The following DNAH10 variants were observed in gnomAD, a reference collection of about 807,000 sequenced individuals.
DNAH10 encodes the protein axonemal beta dynein heavy chain 10.
Under a neutral mutation model 506.6 loss-of-function variants are expected in DNAH10, and 348 were observed. The observed-to-expected ratio is 0.69, with a 90% CI of 0.63 to 0.75. The LOEUF is 0.75. Among genes scored for constraint, DNAH10 ranks in the 30% least tolerant of loss-of-function variants. The pLI is 0.00. For synonymous variants in DNAH10, 2,059 were observed against 2,198.6 expected (o/e 0.94, Z 1.78); for missense variants, 5,179 against 5,787.1 (o/e 0.89, Z 3.41).
In DNAH10 at chr12:123,785,564, G is replaced by A. The variant is rs11057356; in HGVS notation, c.1231-182G>A. Among the ~76,000 whole-genome samples the A allele has an allele frequency of 0.15, 23,308 of 151,138 alleles. 2,496 individuals are homozygous for A. The highest frequency in any genetic ancestry group is 0.32 in the East Asian group (1,617 of 5,102). On this transcript the variant is annotated intron_variant, in intron 8 of 78. Coordinates refer to ENST00000673944, the MANE Select transcript of DNAH10 (RefSeq NM_001372106.1). This position sits in a 1 kb window ranked among gnomAD's most constrained non-coding sequence, Gnocchi z 4.1. ...GGTGGGAGGATCACTTGAGTCCGCA[G>A]GGGAGTCGAGGCTGCAGTAAGCCAT...
At position 123,918,899 on chromosome 12, in the gene DNAH10, G is replaced by A; in HGVS notation, c.11456G>A (p.Arg3819Lys). 6.2e-7 allele frequency: 1 copy of A among 1,613,804 alleles called. No individual in the cohort carries two copies. The highest frequency in any genetic ancestry group is 8.5e-7 in the Non-Finnish European group (1 of 1,179,852). Residue 3819 changes from arginine (R) to lysine (K), a missense_variant, in exon 65 of 79, where the codon AGG (arginine) becomes AAG (lysine). Transcript: ENST00000673944. ...GATTCCATCCTCATGAAACGCCTGA[G>A]GAACATCATGGACACGCTGACCTTC... ...LPDSILMKRL[R>K]NIMDTLTFSI... is the part of the protein sequence containing the mutation.
Position 123,914,505 on chromosome 12 carries a change from C to G in DNAH10, c.10529C>G (p.Pro3510Arg). 6.2e-7 allele frequency: 1 copy of G among 1,613,688 alleles called. No homozygotes were observed. The highest frequency in any genetic ancestry group is 8.5e-7 in the Non-Finnish European group (1 of 1,179,886). The change falls in exon 61 of 79, where the codon CCT becomes CGT. Residue 3510 changes from proline (P) to arginine (R), a missense_variant. By Grantham distance (103) the Pro-to-Arg change is moderately radical (BLOSUM62 -2). Around this residue, in one of 3 missense-constraint regions of DNAH10, gnomAD observed 4,844 missense variants for 5,430.5 expected, o/e 0.89. Transcript: ENST00000673944. ...GAGCGGGAGATCCCCCTGAGCCAGC[C>G]TTTCCGGCTGGAAAGCCTGCTCACG... The part of the protein sequence containing the change: ...ILEREIPLSQ[P>R]FRLESLLTDD...
In DNAH10 at chr12:123,871,477, C is replaced by T. The variant is rs1311624314; in HGVS notation, c.7660C>T (p.Arg2554Trp). Reference sequence around the variant, plus strand: ...TTTAGTTCACACAGTGGATACCACTCGGACTACCTGGATATTGGAACAAAT... The same window carrying T: ...TTTAGTTCACACAGTGGATACCACTTGGACTACCTGGATATTGGAACAAAT... The part of the protein sequence containing the change: ...NILVHTVDTT[R>W]TTWILEQMVK... The change falls in exon 45 of 79, where the codon CGG (arginine) becomes TGG (tryptophan). Residue 2554 changes from arginine (R) to tryptophan (W), a missense_variant. Around this residue, in one of 3 missense-constraint regions of DNAH10, gnomAD observed 4,844 missense variants for 5,430.5 expected, o/e 0.89. Transcript: ENST00000673944. The T allele has an allele frequency of 1.9e-6, 3 of 1,584,090 alleles. No homozygotes were observed. Among genetic ancestry groups the T allele is most frequent in the South Asian group, 1.2e-5 (1 of 86,668 alleles).
At chr12:123,914,151 G>A in intron 60 of DNAH10, among the ~76,000 whole-genome samples, 178 bp from the exon 61 acceptor site, 1 of 152,204 alleles carries the variant, frequency 6.6e-6, no homozygotes. Context: ...GTTCACTAGG[G>A]TGGGAAGTTG....
intron 10 of DNAH10, 25 bp downstream of exon 10, chr12:123,788,027 G>T: frequency 6.4e-7 from 1 of 1,552,732 alleles, no homozygotes; most frequent in Non-Finnish European, 8.7e-7. Context: ...AAGGCCGGCG[G>T]AATTTGCCCC....
At chr12:123,833,020 T>G (rs1960739977) in intron 26 of DNAH10, 94 bp from the exon 27 acceptor site, 1 of 918,186 alleles carries the variant, frequency 1.1e-6, no homozygotes. Flanking sequence ...GATTGCATTG[T>G]TGGCCAAAAG....
intron 41 of DNAH10, 27 bp downstream of exon 41, chr12:123,866,100 A>G: frequency 6.4e-7 from 1 of 1,557,044 alleles, no homozygotes; most frequent in Non-Finnish European, 8.7e-7. Context: ...AAATGAACTT[A>G]AATTTATTAG....
chr12:123,885,348 A>G (rs532383394), intron 51 of DNAH10, among the ~76,000 whole-genome samples: 8 of 152,288 alleles, frequency 5.3e-5, no homozygotes, highest in Non-Finnish European at 7.3e-5. Flanking sequence ...ACAGTATTCT[A>G]TTGTTTGGAT....
intron 2 of DNAH10, among the ~76,000 whole-genome samples, chr12:123,768,377 C>T (rs7305837): frequency 0.036 from 5,488 of 152,194 alleles, 142 homozygotes; most frequent in South Asian, 0.071. Context: ...TCAGGTGATC[C>T]GCCCTCCTCG....
At chr12:123,823,800 A>G (rs773832473) in intron 24 of DNAH10, among the ~76,000 whole-genome samples, 1 of 152,130 alleles carries the variant, frequency 6.6e-6, no homozygotes, top group Non-Finnish European at 1.5e-5. Flanking sequence ...TACAATTTTT[A>G]TTGACTATAG....
chr12:123,855,657 A>G (rs55721522), intron 36 of DNAH10, among the ~76,000 whole-genome samples: 2,019 of 149,230 alleles, frequency 0.014, 41 homozygotes, highest in Middle Eastern at 0.025. Context: ...AAATAATAAT[A>G]AAAAGTATAT....
At chr12:123,833,386 T>C in intron 27 of DNAH10, 39 bp downstream of exon 27, 1 of 1,492,562 alleles carries the variant, frequency 6.7e-7, no homozygotes, top group Non-Finnish European at 9.2e-7. Flanking sequence ...TTAGAGCCAG[T>C]GCATAGCAGT....
intron 43 of DNAH10, among the ~76,000 whole-genome samples, chr12:123,869,831 G>T (rs145993706): frequency 6.6e-6 from 1 of 152,178 alleles, no homozygotes; most frequent in African/African-American, 2.4e-5. Context: ...TGGCCTGAGC[G>T]GAGGCGATGG....
chr12:123,878,203 C>T (rs1952346172), intron 48 of DNAH10, among the ~76,000 whole-genome samples: 1 of 152,158 alleles, frequency 6.6e-6, no homozygotes, highest in South Asian at 2.1e-4. Context: ...TTGGAATTTG[C>T]CTGCATGGAG....
At chr12:123,883,955 A>G (rs986674399) in intron 51 of DNAH10, among the ~76,000 whole-genome samples, 9 of 152,038 alleles carry the variant, frequency 5.9e-5, no homozygotes. Context: ...GAACCTTTTG[A>G]TAAGTCCACC....
In DNAH10 at chr12:123,851,345, G is replaced by A. The variant is rs530887165; in HGVS notation, c.6291+269G>A. 4.1e-4 allele frequency among the ~76,000 whole-genome samples: 59 copies of A among 144,598 alleles called. 2 individuals carry two copies. The South Asian group carries it at 0.013, about 32-fold the overall frequency. 94.9% of individuals were successfully genotyped at this position (144,598 alleles called of 152,430 possible). On this transcript the variant is annotated intron_variant, in intron 35 of 78. Transcript: ENST00000673944. ...AGCTCCATGTGGCTCTTCCAGACTG[G>A]GGACCTAGGATGTGTCAGCTCCATG...
intron 24 of DNAH10, among the ~76,000 whole-genome samples, chr12:123,822,524 A>G (rs80071833): frequency 0.046 from 6,968 of 152,272 alleles, 209 homozygotes; most frequent in Non-Finnish European, 0.064. Context: ...ACCTGTATCT[A>G]TATCTAATCT....
Position 123,907,549 on chromosome 12 carries a change from G to A in DNAH10, c.9816-1712G>A, listed in dbSNP as rs183883758. ...GAGCGTGGCCTGCAACCCAACAGCA[G>A]AAAACGTCACTTTGGTAGACTCAGA... is the stretch of plus-strand genomic sequence containing the variant. On this transcript the variant is annotated intron_variant, in intron 57 of 78. Coordinates refer to ENST00000673944, the MANE Select transcript of DNAH10 (RefSeq NM_001372106.1). This position sits in a 1 kb window ranked among gnomAD's most constrained non-coding sequence, Gnocchi z 4.4. 2.4e-3 allele frequency among the ~76,000 whole-genome samples: 364 copies of A among 152,318 alleles called. No homozygotes were observed. The highest frequency in any genetic ancestry group is 4.0e-3 in the Non-Finnish European group (274 of 68,030).
Position 123,762,603 on chromosome 12 carries a change from G to T in DNAH10, c.214+53G>T, listed in dbSNP as rs1956867634. 2.0e-6 allele frequency: 3 copies of T among 1,501,198 alleles called. No homozygotes were observed. The highest frequency in any genetic ancestry group is 2.7e-6 in the Non-Finnish European group (3 of 1,124,022). The allele number at this position is 1,501,198 out of a possible 1,614,324, so 93.0% of individuals were successfully genotyped here. ...CCGGGCTTCCCTCCTGCCCGTCCCG[G>T]CCTCTCCGGCGGGCGCCGGGGCTGC... On this transcript the variant is annotated intron_variant, in intron 1 of 78. Transcript: ENST00000673944. The surrounding 1 kb of genome is among the most constrained non-coding windows in gnomAD (Gnocchi z 5.0).
Sources: gnomAD v4.1 joint callset for allele counts (sites outside exome capture counted in the v4.1 genomes callset) on GRCh38, gnomAD v4.1.1 for gene constraint, gnomAD v4.1.1 regional missense constraint, Gnocchi (gnomAD v3.1) non-coding constraint, MANE v1.5 for transcripts, NCBI Gene and HGNC (gene_info 2026-07-23, HGNC 2026-07-21) for gene names.